Variants in RNF152 observed in about 807,000 individuals in gnomAD.
The protein encoded by RNF152 is ring finger protein 152.
In RNF152, 11 loss-of-function variants were observed where a neutral mutation model predicts 12.7. That is an observed-to-expected ratio of 0.86 (90% confidence interval 0.54 to 1.43). The LOEUF (loss-of-function observed/expected upper bound fraction) is 1.43. Among genes scored for constraint, RNF152 ranks in the 40% most tolerant of loss-of-function variants. The pLI is 0.00. For missense variants in RNF152, 255 were observed against 274.8 expected, an observed-to-expected ratio of 0.93 and a Z score of 0.51; for synonymous variants, 113 against 120.3, an observed-to-expected ratio of 0.94 and a Z score of 0.40.
intron 1 of RNF152, among the ~76,000 whole-genome samples, chr18:61,831,677 G>A (rs1387787990): frequency 7.5e-6 from 1 of 133,558 alleles, no homozygotes; most frequent in Non-Finnish European, 1.7e-5. Context: ...TACCCTCAAA[G>A]CAGAACAAAC....
intron 1 of RNF152, among the ~76,000 whole-genome samples, chr18:61,857,252 A>C (rs1259411187): frequency 5.3e-5 from 8 of 152,208 alleles, no homozygotes; most frequent in Non-Finnish European, 1.2e-4. Flanking sequence ...GAAAACTGAG[A>C]CTTAAGGAAA....
intron 1 of RNF152, among the ~76,000 whole-genome samples, chr18:61,846,934 T>A (rs1416143880): frequency 6.6e-6 from 1 of 152,222 alleles, no homozygotes; most frequent in Non-Finnish European, 1.5e-5. Flanking sequence ...TGTAGCCTTA[T>A]GCAAGTTAAC....
rs141429719 is a variant in RNF152 at position 61,872,410 on chromosome 18, A to G, written c.-136+20385T>C. On this transcript the variant is annotated intron_variant, in intron 1 of 1. Coordinates refer to ENST00000312828, the MANE Select transcript of RNF152 (RefSeq NM_173557.3). ...GAAACTTCATAGAGCAACAGGCTAG[A>G]GACTAACAATGCTTGTTTAAAAATC... Among the ~76,000 whole-genome samples the G allele has an allele frequency of 1.9e-4, 29 of 152,344 alleles. No individual in the cohort carries two copies. The East Asian group carries it at 4.2e-3, about 22-fold the overall frequency.
intron 1 of RNF152, among the ~76,000 whole-genome samples, chr18:61,858,453 G>A (rs1911322469): frequency 6.6e-6 from 1 of 151,954 alleles, no homozygotes; most frequent in Admixed American, 6.6e-5. Flanking sequence ...TATACCCTAG[G>A]ATGAGGAATC....
At chr18:61,888,451 G>C (rs1912797938) in intron 1 of RNF152, 1 of 152,168 alleles carries the variant, frequency 6.6e-6, no homozygotes, top group Non-Finnish European at 1.5e-5. Flanking sequence ...CGTACTTTGA[G>C]TGCCTATACG....
intron 1 of RNF152, among the ~76,000 whole-genome samples, chr18:61,868,043 G>A (rs1306646452): frequency 6.6e-6 from 1 of 152,158 alleles, no homozygotes; most frequent in Admixed American, 6.5e-5. Flanking sequence ...AGATACCCCA[G>A]CTCCTCACTT....
chr18:61,870,411 C>A (rs879317934), intron 1 of RNF152, among the ~76,000 whole-genome samples: 23 of 152,184 alleles, frequency 1.5e-4, no homozygotes, highest in Non-Finnish European at 2.8e-4. Context: ...TCTGGGCTGT[C>A]CCCTGCTCCA....
rs919237619 is a variant in RNF152, at chr18:61,811,472, G to C, written c.*4380C>G. ...AGCTTCAAATCTTCAACTCTTTCAG[G>C]GATAACTGAAATTTTTGCTTAAAAA... On this transcript the variant is annotated 3_prime_UTR_variant, in exon 2 of 2. Transcript: ENST00000312828. The C allele has an allele frequency of 5.9e-5, 9 of 152,006 alleles. No homozygotes were observed. The highest frequency in any genetic ancestry group is 2.2e-4 in the African/African-American group (9 of 41,344). 9.4% of individuals were successfully genotyped at this position (152,006 alleles called of 1,614,324 possible).
At chr18:61,851,941 CT>C (rs1911002514) in intron 1 of RNF152, among the ~76,000 whole-genome samples, 3 of 152,156 alleles carry the variant, frequency 2.0e-5, no homozygotes. Context: ...TGCACAGTAC[CT>C]TGTGGCTCAT....
intron 1 of RNF152, among the ~76,000 whole-genome samples, chr18:61,856,533 G>C (rs1376016302): frequency 6.6e-6 from 1 of 152,152 alleles, no homozygotes; most frequent in Non-Finnish European, 1.5e-5. Flanking sequence ...TAGCCACCAA[G>C]GACCCAGCAT....
At chr18:61,844,932 C>G (rs1378538754) in intron 1 of RNF152, among the ~76,000 whole-genome samples, 1 of 152,092 alleles carries the variant, frequency 6.6e-6, no homozygotes, top group Non-Finnish European at 1.5e-5. Context: ...TAGAGGGCAA[C>G]TAACAAAGAG....
At chr18:61,878,666 G>C (rs1912321979) in intron 1 of RNF152, among the ~76,000 whole-genome samples, 1 of 152,180 alleles carries the variant, frequency 6.6e-6, no homozygotes, top group Non-Finnish European at 1.5e-5. Context: ...CGGCACCAGT[G>C]GATTCAGTGT....
chr18:61,826,366 C>G (rs1599268315), intron 1 of RNF152, among the ~76,000 whole-genome samples: 1 of 152,190 alleles, frequency 6.6e-6, no homozygotes, highest in South Asian at 2.1e-4. Flanking sequence ...AGAAAGACCA[C>G]TCACACATGC....
intron 1 of RNF152, among the ~76,000 whole-genome samples, chr18:61,827,905 C>A (rs542468364): frequency 1.2e-4 from 19 of 152,330 alleles, no homozygotes; most frequent in African/African-American, 4.3e-4. Context: ...AACCTTGAAA[C>A]TAGATATGGA....
chr18:61,867,445 C>T (rs1483086508), intron 1 of RNF152, among the ~76,000 whole-genome samples: 2 of 150,932 alleles, frequency 1.3e-5, no homozygotes, highest in Non-Finnish European at 3.0e-5. Flanking sequence ...GAGTGAGACA[C>T]CATCTCAAAA....
chr18:61,880,298 C>T (rs1028767302), intron 1 of RNF152, among the ~76,000 whole-genome samples: 5 of 152,092 alleles, frequency 3.3e-5, no homozygotes, highest in African/African-American at 9.7e-5. Context: ...AAGACAGGTC[C>T]GCAAAGAATT....
chr18:61,874,361 G>A (rs545553425), intron 1 of RNF152, among the ~76,000 whole-genome samples: 1 of 152,338 alleles, frequency 6.6e-6, no homozygotes, highest in South Asian at 2.1e-4. Context: ...ACAGATACAG[G>A]ATTCAGCTAC....
intron 1 of RNF152, among the ~76,000 whole-genome samples, chr18:61,848,283 T>C (rs1388895984): frequency 6.6e-6 from 1 of 152,188 alleles, no homozygotes; most frequent in Non-Finnish European, 1.5e-5. Flanking sequence ...AGCTAAAGTT[T>C]TCTAGCTTTC....
chr18:61,869,568 A>G (rs1197954949), intron 1 of RNF152, among the ~76,000 whole-genome samples: 1 of 152,218 alleles, frequency 6.6e-6, no homozygotes, highest in Non-Finnish European at 1.5e-5. Flanking sequence ...TTTACTTTAC[A>G]CTCACACCTT....
Sources: gnomAD v4.1 joint callset for allele counts (sites outside exome capture counted in the v4.1 genomes callset) on GRCh38, gnomAD v4.1.1 for gene constraint, MANE v1.5 for transcripts, NCBI Gene and HGNC (gene_info 2026-07-23, HGNC 2026-07-21) for gene names.